Variants in MATN2 observed in about 807,000 individuals in gnomAD.
MATN2 encodes matrilin 2.
Under a neutral mutation model 103.2 loss-of-function variants are expected in MATN2, and 69 were observed. The observed-to-expected ratio is 0.67, with a 90% CI of 0.55 to 0.82. MATN2 has a LOEUF of 0.82. Among genes scored for constraint, MATN2 ranks in the 40% least tolerant of loss-of-function variants. The probability of loss-of-function intolerance (pLI) is 0.00; values close to 1 mark genes in which losing one functional copy is unlikely to be tolerated. For synonymous variants in MATN2, 429 were observed against 450.2 expected, an observed-to-expected ratio of 0.95 and a Z score of 0.60; for missense variants, 1,023 against 1,211.5, an observed-to-expected ratio of 0.84 and a Z score of 2.31.
At chr8:98,006,468 A>G (rs1365304255) in intron 8 of MATN2, among the ~76,000 whole-genome samples, 1 of 152,188 alleles carries the variant, frequency 6.6e-6, no homozygotes, top group Non-Finnish European at 1.5e-5. Context: ...CACATTCACA[A>G]ATCAGGAAAC....
intron 4 of MATN2, among the ~76,000 whole-genome samples, chr8:97,959,094 T>C (rs1346315124): frequency 6.6e-6 from 1 of 152,206 alleles, no homozygotes; most frequent in African/African-American, 2.4e-5. Context: ...GGCACTTCTC[T>C]TAGGGATTCT....
intron 11 of MATN2, among the ~76,000 whole-genome samples, chr8:98,017,211 T>G (rs1194755609): frequency 1.3e-5 from 2 of 152,234 alleles, no homozygotes; most frequent in African/African-American, 4.8e-5. Flanking sequence ...GTTGCCTAAC[T>G]TCTCTAAGCC....
intron 6 of MATN2, among the ~76,000 whole-genome samples, chr8:97,981,564 G>A (rs1192722670): frequency 6.6e-6 from 1 of 152,216 alleles, no homozygotes; most frequent in Non-Finnish European, 1.5e-5. Context: ...CAGGAGTTAT[G>A]TGACCAAGGG....
At chr8:97,970,816 T>C (rs1811631027) in intron 5 of MATN2, among the ~76,000 whole-genome samples, 1 of 152,102 alleles carries the variant, frequency 6.6e-6, no homozygotes, top group Non-Finnish European at 1.5e-5. Context: ...CTGGGTGTGG[T>C]GGCCAACACC....
Position 98,027,764 on chromosome 8 carries a change from T to C in MATN2, c.2291T>C (p.Ile764Thr), listed in dbSNP as rs1486110256. Residue 764 changes from isoleucine (I) to threonine (T), a missense_variant, in exon 14 of 19, where the codon ATT becomes ACT. Coordinates refer to ENST00000254898, the MANE Select transcript of MATN2 (RefSeq NM_002380.5). ...TCCACAAGGGTGCCCAGAGCAGCCATTGTGTTCACCGACGGACGGGCTCAG... is the reference window on the plus strand; with the variant it reads ...TCCACAAGGGTGCCCAGAGCAGCCACTGTGTTCACCGACGGACGGGCTCAG... ...PLSTRVPRAA[I>T]VFTDGRAQDD... 1.9e-6 allele frequency: 3 copies of C among 1,609,510 alleles called. No individual in the cohort carries two copies. In the South Asian group the frequency reaches 3.3e-5, roughly 18 times the overall value.
Position 98,030,626 on chromosome 8 carries a change from T to C in MATN2, c.2509+12T>C, listed in dbSNP as rs760500269. 8 of 1,608,968 alleles carry C rather than the reference T, an allele frequency of 5.0e-6. No individual in the cohort carries two copies. In the South Asian group the frequency reaches 5.6e-5, roughly 11 times the overall value. The stretch of plus-strand genomic sequence containing the variant: ...AGGCATCTGTGAAGGTACTATAGCT[T>C]ACGCCGAAGACCTTAGCAAACAAGG... On this transcript the variant is annotated intron_variant, in intron 15 of 18. Transcript: ENST00000254898.
chr8:97,950,486 C>T (rs1278947781), intron 4 of MATN2, among the ~76,000 whole-genome samples: 1 of 152,156 alleles, frequency 6.6e-6, no homozygotes, highest in Non-Finnish European at 1.5e-5. Flanking sequence ...CTCATTCATT[C>T]AATACCTGTG....
Position 97,977,295 on chromosome 8 carries a change from G to T in MATN2, c.959-1591G>T, listed in dbSNP as rs573864161. ...AGAAATTTGATTCCCAATGTTGGAG[G>T]TGGGACCTGCTGGAAAGTGTTTGGG... On this transcript the variant is annotated intron_variant, in intron 5 of 18. Transcript: ENST00000254898. Among the ~76,000 whole-genome samples, 217 of 151,226 alleles carry T rather than the reference G, an allele frequency of 1.4e-3. 1 individual carries two copies. The highest frequency in any genetic ancestry group is 5.1e-3 in the African/African-American group (209 of 41,138).
At chr8:97,994,315 A>T (rs975685902) in intron 6 of MATN2, among the ~76,000 whole-genome samples, 165 bp from the exon 7 acceptor site, 10 of 152,064 alleles carry the variant, frequency 6.6e-5, no homozygotes, top group Admixed American at 6.6e-4. Flanking sequence ...GAGAGGCCAT[A>T]TCTCTAAACA....
intron 13 of MATN2, among the ~76,000 whole-genome samples, chr8:98,022,160 T>C (rs1418529702): frequency 6.6e-6 from 1 of 152,232 alleles, no homozygotes; most frequent in African/African-American, 2.4e-5. Flanking sequence ...TAAAACATGA[T>C]GCAGCTGTTA....
chr8:97,994,721 A>T, intron 7 of MATN2, 119 bp downstream of exon 7: 1 of 1,101,540 alleles, frequency 9.1e-7, no homozygotes, highest in South Asian at 1.7e-5. Context: ...GTCTATTAAC[A>T]TTATTCTCCC....
At chr8:97,921,752 T>A (rs553456252) in intron 2 of MATN2, among the ~76,000 whole-genome samples, 12 of 152,308 alleles carry the variant, frequency 7.9e-5, no homozygotes, top group African/African-American at 2.9e-4. Flanking sequence ...GGGATCCCAC[T>A]GCTGTGTCGC....
chr8:97,912,986 C>G (rs559022800), intron 2 of MATN2, among the ~76,000 whole-genome samples: 177 of 152,258 alleles, frequency 1.2e-3, no homozygotes, highest in African/African-American at 1.7e-3. Flanking sequence ...GGGACCACCA[C>G]GCAAGAGCAC....
intron 5 of MATN2, among the ~76,000 whole-genome samples, chr8:97,964,846 A>T (rs1038692263): frequency 6.6e-6 from 1 of 151,760 alleles, no homozygotes; most frequent in Admixed American, 6.6e-5. Flanking sequence ...TGATCCTCCC[A>T]CCTCAGACTC....
At chr8:97,898,861 A>G (rs1464157533) in intron 2 of MATN2, among the ~76,000 whole-genome samples, 1 of 151,788 alleles carries the variant, frequency 6.6e-6, no homozygotes, top group Non-Finnish European at 1.5e-5. Context: ...TGATCCTCCT[A>G]TCTCAACCTC....
At position 98,007,122 on chromosome 8, in the gene MATN2, C is replaced by G; in HGVS notation, c.1345C>G (p.Gln449Glu). Residue 449 changes from glutamine (Q) to glutamate (E), a missense_variant, in exon 9 of 19, where the codon CAG becomes GAG. Coordinates refer to ENST00000254898, the MANE Select transcript of MATN2 (RefSeq NM_002380.5). The surrounding 1 kb of genome is among the most constrained non-coding windows in gnomAD (Gnocchi z 4.2). ...KTCSRVDHCA[Q>E]QDHGCEQLCL... ...AAATGCAGGAGTGGACCACTGTGCA[C>G]AGCAGGACCATGGCTGTGAGCAGCT... 1 of 1,611,272 alleles carries G rather than the reference C, an allele frequency of 6.2e-7. No homozygotes were observed. Among genetic ancestry groups the G allele is most frequent in the Non-Finnish European group, 8.5e-7 (1 of 1,178,730 alleles).
intron 2 of MATN2, among the ~76,000 whole-genome samples, chr8:97,922,156 A>T (rs928789310): frequency 6.6e-6 from 1 of 152,224 alleles, no homozygotes; most frequent in Non-Finnish European, 1.5e-5. Flanking sequence ...AGTGCCTGGT[A>T]CCAAAAAGGT....
intron 8 of MATN2, chr8:98,004,196 G>A (rs55962332): frequency 0.025 from 4,700 of 188,758 alleles, 215 homozygotes; most frequent in African/African-American, 0.1. Flanking sequence ...GCTGAAGCAG[G>A]AGAATTACTC....
intron 2 of MATN2, among the ~76,000 whole-genome samples, chr8:97,927,435 C>T (rs1225122771): frequency 2.0e-5 from 3 of 152,142 alleles, no homozygotes; most frequent in Non-Finnish European, 4.4e-5. Flanking sequence ...GCTGGGATTA[C>T]AGGCATGAGC....
Sources: gnomAD v4.1 joint callset for allele counts (sites outside exome capture counted in the v4.1 genomes callset) on GRCh38, gnomAD v4.1.1 for gene constraint, Gnocchi (gnomAD v3.1) non-coding constraint, MANE v1.5 for transcripts, NCBI Gene and HGNC (gene_info 2026-07-23, HGNC 2026-07-21) for gene names.